FIRRM: variants seen among roughly 807,000 people sequenced by gnomAD.
FIRRM encodes FIGNL1 interacting regulator of recombination and mitosis.
chr1:169,792,636 T>G, the FIRRM span: 1 of 1,603,300 alleles, frequency 6.2e-7, no homozygotes, highest in Non-Finnish European at 8.5e-7. Flanking sequence ...TCATCAATTA[T>G]TTTGAGTATT....
At chr1:169,852,551 CTTG>C in the FIRRM span, 6 of 520,966 alleles carry the variant, frequency 1.2e-5, no homozygotes, top group South Asian at 2.5e-5. Flanking sequence ...GGACAGGATA[CTTG>C]TTGTATACCA....
the FIRRM span, chr1:169,842,550 C>T: frequency 4.3e-5 from 70 of 1,610,732 alleles, no homozygotes; most frequent in Middle Eastern, 3.3e-4. Flanking sequence ...GTAAGGAAAG[C>T]AACTGATCCT....
chr1:169,798,283 T>C, the FIRRM span, among the ~76,000 whole-genome samples: 1 of 151,792 alleles, frequency 6.6e-6, no homozygotes, highest in Non-Finnish European at 1.5e-5. Context: ...TCTCTCTTTT[T>C]TTTTTTTTTT....
chr1:169,840,751 C>G, the FIRRM span, among the ~76,000 whole-genome samples: 407 of 152,232 alleles, frequency 2.7e-3, 2 homozygotes, highest in African/African-American at 9.3e-3. Context: ...ACATTGTGAT[C>G]CACCCACCTC....
At chr1:169,843,470 A>T in the FIRRM span, among the ~76,000 whole-genome samples, 1 of 152,176 alleles carries the variant, frequency 6.6e-6, no homozygotes, top group Non-Finnish European at 1.5e-5. Context: ...CAAATTGTTT[A>T]ACCTCTTTGA....
chr1:169,837,119 T>G, the FIRRM span: 3 of 1,571,988 alleles, frequency 1.9e-6, no homozygotes, highest in Non-Finnish European at 2.6e-6. Context: ...TCTGGTAAGA[T>G]AATAATTTTG....
the FIRRM span, chr1:169,842,500 A>G: frequency 6.2e-7 from 1 of 1,613,986 alleles, no homozygotes; most frequent in Non-Finnish European, 8.5e-7. Context: ...CAATTATCGA[A>G]GTTGTGAGTC....
the FIRRM span, chr1:169,798,886 C>T: frequency 8.0e-7 from 1 of 1,248,642 alleles, no homozygotes; most frequent in Non-Finnish European, 1.1e-6. Flanking sequence ...TACCCTATTA[C>T]TATGATACTA....
the FIRRM span, among the ~76,000 whole-genome samples, chr1:169,820,000 G>A: frequency 6.6e-6 from 1 of 152,140 alleles, no homozygotes. Context: ...AGCTTGCAAA[G>A]GCTCAAGATA....
At chr1:169,838,380 A>G in the FIRRM span, among the ~76,000 whole-genome samples, 1 of 152,232 alleles carries the variant, frequency 6.6e-6, no homozygotes, top group Non-Finnish European at 1.5e-5. Flanking sequence ...TTTGTTTTAT[A>G]TTAGGTAAAG....
the FIRRM span, among the ~76,000 whole-genome samples, chr1:169,804,875 G>A: frequency 6.6e-6 from 1 of 152,196 alleles, no homozygotes; most frequent in Admixed American, 6.5e-5. Context: ...TAGAGACAGG[G>A]TTTCACCGTG....
chr1:169,847,915 G>GAA, the FIRRM span: 25 of 550,276 alleles, frequency 4.5e-5, no homozygotes, highest in East Asian at 6.3e-5. Context: ...GACAAAGTTG[G>GAA]AAAAAAAAAA....
the FIRRM span, among the ~76,000 whole-genome samples, chr1:169,828,984 T>G: frequency 6.6e-6 from 1 of 152,232 alleles, no homozygotes; most frequent in Non-Finnish European, 1.5e-5. Flanking sequence ...AGTTTCAAGT[T>G]CCTTGAGGAA....
chr1:169,800,120 A>G, the FIRRM span, among the ~76,000 whole-genome samples: 2 of 152,198 alleles, frequency 1.3e-5, no homozygotes, highest in African/African-American at 4.8e-5. Flanking sequence ...TGCAGCCTCC[A>G]TCTCCCACGC....
chr1:169,842,084 G>T, the FIRRM span, among the ~76,000 whole-genome samples: 2 of 151,706 alleles, frequency 1.3e-5, no homozygotes, highest in Non-Finnish European at 2.9e-5. Flanking sequence ...GTTGAGGTAG[G>T]AGAATCGCTC....
At chr1:169,804,368 T>C in the FIRRM span, 3 of 808,988 alleles carry the variant, frequency 3.7e-6, no homozygotes, top group African/African-American at 1.8e-5. Flanking sequence ...TCTTACCAAA[T>C]AAATTTTTAA....
chr1:169,832,688 C>T, the FIRRM span, among the ~76,000 whole-genome samples: 3 of 152,176 alleles, frequency 2.0e-5, no homozygotes, highest in South Asian at 2.1e-4. Context: ...ACTGCAGCCT[C>T]GACTTCCTGG....
the FIRRM span, among the ~76,000 whole-genome samples, chr1:169,826,671 A>G: frequency 6.6e-6 from 1 of 152,126 alleles, no homozygotes; most frequent in East Asian, 1.9e-4. Context: ...CCCAAAAACA[A>G]CTTTTAATAG....
the FIRRM span, chr1:169,802,788 A>G: frequency 1.1e-6 from 1 of 896,130 alleles, no homozygotes; most frequent in Non-Finnish European, 1.8e-6. Flanking sequence ...AAATTTTTAT[A>G]CTGATACTGA....
Sources: gnomAD v4.1 joint callset for allele counts (sites outside exome capture counted in the v4.1 genomes callset) on GRCh38, gnomAD v4.1.1 for gene constraint, MANE v1.5 for transcripts, NCBI Gene and HGNC (gene_info 2026-07-23, HGNC 2026-07-21) for gene names.